PCDHGA7: variants seen among roughly 807,000 people sequenced by gnomAD.
PCDHGA7 encodes the protein protocadherin gamma subfamily A, 7.
PCDHGA7 carries 44 observed loss-of-function variants against 58.3 expected under a neutral mutation model. The ratio of observed to expected loss-of-function variants is 0.75; its 90% confidence interval spans 0.59 to 0.97. PCDHGA7 has a LOEUF of 0.97. Ranked by LOEUF, PCDHGA7 falls within the 50% of genes least tolerant of loss-of-function variation. The probability of loss-of-function intolerance (pLI) is 0.00; values close to 1 mark genes in which losing one functional copy is unlikely to be tolerated. For synonymous variants in PCDHGA7, 516 were observed against 504.2 expected (o/e 1.02, Z -0.31); for missense variants, 1,266 against 1,188.7 (o/e 1.06, Z -0.96).
At chr5:141,459,694 T>A (rs767389870) in intron 1 of PCDHGA7, among the ~76,000 whole-genome samples, 1 of 152,252 alleles carries the variant, frequency 6.6e-6, no homozygotes, top group Non-Finnish European at 1.5e-5. Context: ...AGCGTTCCGC[T>A]TGCTACATTT....
intron 1 of PCDHGA7, chr5:141,427,739 C>G: frequency 2.4e-6 from 3 of 1,232,634 alleles, no homozygotes; most frequent in Non-Finnish European, 3.5e-6. Context: ...ATGGCCAAGT[C>G]TCCTACTCCA....
intron 1 of PCDHGA7, among the ~76,000 whole-genome samples, chr5:141,488,510 G>A (rs910546464): frequency 1.3e-5 from 2 of 152,152 alleles, no homozygotes; most frequent in Non-Finnish European, 2.9e-5. Context: ...TCCACATTTG[G>A]GGTCTGGGGT....
chr5:141,437,622 A>G (rs1007643306), intron 1 of PCDHGA7, among the ~76,000 whole-genome samples: 2 of 152,192 alleles, frequency 1.3e-5, no homozygotes, highest in Non-Finnish European at 2.9e-5. Flanking sequence ...TTATCCCCAT[A>G]TAAGATGTCA....
At chr5:141,450,006 CTT>C (rs1554136305) in intron 1 of PCDHGA7, among the ~76,000 whole-genome samples, 13 of 132,938 alleles carry the variant, frequency 9.8e-5, no homozygotes, top group Non-Finnish European at 7.9e-5. Flanking sequence ...TGCCATGTCT[CTT>C]TTTTTTTTTT....
chr5:141,478,109 T>C, intron 1 of PCDHGA7: 1 of 1,614,086 alleles, frequency 6.2e-7, no homozygotes, highest in Non-Finnish European at 8.5e-7. Context: ...CCTCACTGTG[T>C]CAGTAACCGA....
In PCDHGA7 at chr5:141,474,831, G is replaced by A. The variant is rs188288898; in HGVS notation, c.2425-19976G>A. On this transcript the variant is annotated intron_variant, in intron 1 of 3. Coordinates refer to ENST00000518325, the MANE Select transcript of PCDHGA7 (RefSeq NM_018920.4). ...CATCATTAATTGAGGCTTACTCTGTGCCAGGCACTTTACCTGCCTTCTTCA... is the reference window on the plus strand; with the variant it reads ...CATCATTAATTGAGGCTTACTCTGTACCAGGCACTTTACCTGCCTTCTTCA... 5.3e-5 allele frequency among the ~76,000 whole-genome samples: 8 copies of A among 152,350 alleles called. No individual in the cohort carries two copies. The East Asian group carries it at 1.5e-3, about 29-fold the overall frequency.
rs966291038 is a variant in PCDHGA7, at chr5:141,487,740, G to A, written c.2425-7067G>A. 4 of 1,562,290 alleles carry A rather than the reference G, an allele frequency of 2.6e-6. No individual in the cohort carries two copies. The highest frequency in any genetic ancestry group is 1.7e-6 in the Non-Finnish European group (2 of 1,151,972). On this transcript the variant is annotated intron_variant, in intron 1 of 3. Transcript: ENST00000518325. The surrounding 1 kb of genome is among the most constrained non-coding windows in gnomAD (Gnocchi z 5.0). ...CATAGTGATGTCACCATTTTTGTAAGAGGTAACTATGTGGTAGACGCTGTG... is the reference window on the plus strand; with the variant it reads ...CATAGTGATGTCACCATTTTTGTAAAAGGTAACTATGTGGTAGACGCTGTG...
chr5:141,404,709 A>G (rs746275941), intron 1 of PCDHGA7: 33 of 1,613,624 alleles, frequency 2.0e-5, no homozygotes, highest in Non-Finnish European at 2.7e-5. Flanking sequence ...GAGCCTGGCT[A>G]CCTGGTGACC....
At chr5:141,469,964 G>T (rs974494589) in intron 1 of PCDHGA7, among the ~76,000 whole-genome samples, 2 of 152,002 alleles carry the variant, frequency 1.3e-5, no homozygotes, top group Non-Finnish European at 2.9e-5. Flanking sequence ...AACCCCATCT[G>T]TACCAAAAAT....
chr5:141,486,706 C>T lies in PCDHGA7; in HGVS notation c.2425-8101C>T. 1.2e-6 allele frequency: 2 copies of T among 1,614,154 alleles called. No homozygotes were observed. Among genetic ancestry groups the T allele is most frequent in the Admixed American group, 1.7e-5 (1 of 60,020 alleles). On this transcript the variant is annotated intron_variant, in intron 1 of 3. Transcript: ENST00000518325. This position sits in a 1 kb window ranked among gnomAD's most constrained non-coding sequence, Gnocchi z 5.0. ...CAGCTTCCTCTTTCATCTCTCTGAACCCCCAGACAGGAGCTGTTCATGCTA... is the reference window on the plus strand; with the variant it reads ...CAGCTTCCTCTTTCATCTCTCTGAATCCCCAGACAGGAGCTGTTCATGCTA...
intron 1 of PCDHGA7, chr5:141,389,528 G>A (rs200792478): frequency 1.2e-6 from 2 of 1,613,210 alleles, no homozygotes; most frequent in East Asian, 2.2e-5. Context: ...GCCTGCGCGT[G>A]TTAGTGGACG....
chr5:141,437,385 C>T (rs543945898), intron 1 of PCDHGA7, among the ~76,000 whole-genome samples: 12 of 152,202 alleles, frequency 7.9e-5, no homozygotes, highest in Non-Finnish European at 1.6e-4. Flanking sequence ...AGAAGACATT[C>T]ATCCACTGCT....
At chr5:141,502,400 C>T (rs964923206) in intron 2 of PCDHGA7, among the ~76,000 whole-genome samples, 2 of 151,748 alleles carry the variant, frequency 1.3e-5, no homozygotes, top group African/African-American at 4.8e-5. Flanking sequence ...AAAATGTCCC[C>T]GAACCTGGAT....
At position 141,395,537 on chromosome 5, in the gene PCDHGA7, A is replaced by T. The variant is rs946783125; in HGVS notation, c.2424+10214A>T. 3.3e-5 allele frequency: 8 copies of T among 243,972 alleles called. No homozygotes were observed. In the African/African-American group the frequency reaches 3.8e-4, roughly 12 times the overall value. 15.1% of individuals were successfully genotyped at this position (243,972 alleles called of 1,614,324 possible). On this transcript the variant is annotated intron_variant, in intron 1 of 3. Transcript: ENST00000518325. ...ACCCGTCCATACTGGTAATTTTGCT[A>T]TTGTTTGTGTGTGTGTGTGTGTGTG...
intron 1 of PCDHGA7, among the ~76,000 whole-genome samples, chr5:141,426,066 A>T (rs1488003387): frequency 6.6e-6 from 1 of 152,196 alleles, no homozygotes; most frequent in Admixed American, 6.5e-5. Context: ...CAAGAACTGG[A>T]GCCTGGGATC....
intron 1 of PCDHGA7, chr5:141,478,354 C>G (rs141625672): frequency 2.8e-5 from 45 of 1,613,660 alleles, no homozygotes; most frequent in Non-Finnish European, 3.2e-5. Flanking sequence ...ACGCGGACGC[C>G]GTGCGGGGAG....
chr5:141,415,845 A>G, intron 1 of PCDHGA7: 1 of 1,246,436 alleles, frequency 8.0e-7, no homozygotes, highest in Non-Finnish European at 1.0e-6. Flanking sequence ...TTAGCTTTGC[A>G]GAACCTTGTA....
intron 1 of PCDHGA7, chr5:141,398,705 A>G (rs778909536): frequency 6.2e-7 from 1 of 1,613,874 alleles, no homozygotes; most frequent in Admixed American, 1.7e-5. Flanking sequence ...AAATACCCGG[A>G]ACTGGCACTG....
Position 141,487,106 on chromosome 5 carries a change from A to G in PCDHGA7, c.2425-7701A>G, listed in dbSNP as rs777727830. ...TGACCTCCCACCACAGAAGCTGGTC[A>G]TTGTGGTAAAGGATAGTGGTAGTCC... On this transcript the variant is annotated intron_variant, in intron 1 of 3. Transcript: ENST00000518325. The surrounding 1 kb of genome is among the most constrained non-coding windows in gnomAD (Gnocchi z 5.0). 1 of 1,613,902 alleles carries G rather than the reference A, an allele frequency of 6.2e-7. No individual in the cohort carries two copies. The highest frequency in any genetic ancestry group is 1.3e-5 in the African/African-American group (1 of 75,028).
Sources: gnomAD v4.1 joint callset for allele counts (sites outside exome capture counted in the v4.1 genomes callset) on GRCh38, gnomAD v4.1.1 for gene constraint, Gnocchi (gnomAD v3.1) non-coding constraint, MANE v1.5 for transcripts, NCBI Gene and HGNC (gene_info 2026-07-23, HGNC 2026-07-21) for gene names.